The following VRK3 variants were observed in gnomAD, a reference collection of about 807,000 sequenced individuals.
The protein encoded by VRK3 is VRK serine/threonine kinase 3.
Under a neutral mutation model 60.4 loss-of-function variants are expected in VRK3, and 50 were observed. The observed-to-expected ratio is 0.83, with a 90% confidence interval of 0.66 to 1.05. The LOEUF (loss-of-function observed/expected upper bound fraction) is 1.05. Ranked by LOEUF, VRK3 falls within the 50% of genes least tolerant of loss-of-function variation. VRK3 has a pLI of 0.00. For synonymous variants in VRK3, 246 were observed against 227.8 expected (o/e 1.08, Z -0.72); for missense variants, 549 against 585.3 (o/e 0.94, Z 0.64).
chr19:50,010,024 G>A (rs1307031568), intron 3 of VRK3, among the ~76,000 whole-genome samples: 1 of 151,390 alleles, frequency 6.6e-6, no homozygotes, highest in Non-Finnish European at 1.5e-5. Context: ...ACCACCCACC[G>A]AGTTTCTGAT....
intron 1 of VRK3, among the ~76,000 whole-genome samples, chr19:50,023,850 A>C (rs2077213175): frequency 6.6e-6 from 1 of 152,350 alleles, no homozygotes; most frequent in South Asian, 2.1e-4. Context: ...TGGTCCCTAA[A>C]AAAGACGTGC....
chr19:50,023,535 T>G (rs1015834632), intron 1 of VRK3, among the ~76,000 whole-genome samples: 2 of 152,200 alleles, frequency 1.3e-5, no homozygotes, highest in Admixed American at 6.5e-5. Flanking sequence ...GCTTTATTTT[T>G]CTTCACAGTG....
intron 10 of VRK3, among the ~76,000 whole-genome samples, chr19:49,990,389 T>C (rs988769641): frequency 2.0e-5 from 3 of 152,232 alleles, no homozygotes; most frequent in African/African-American, 7.2e-5. Context: ...TTCAAAAATA[T>C]CTACTTATTT....
chr19:49,988,077 C>G (rs79376751), intron 12 of VRK3: 4,321 of 249,302 alleles, frequency 0.017, 71 homozygotes, highest in South Asian at 0.041. Flanking sequence ...TCTTTGCAGT[C>G]CCATAAGGTA....
At chr19:50,017,231 C>A (rs1229279828) in intron 2 of VRK3, among the ~76,000 whole-genome samples, 4 of 151,302 alleles carry the variant, frequency 2.6e-5, no homozygotes, top group Non-Finnish European at 5.9e-5. Flanking sequence ...CAAAAAAAGG[C>A]CATTTATTTG....
intron 13 of VRK3, among the ~76,000 whole-genome samples, chr19:49,980,722 TA>T (rs111476208): frequency 4.8e-4 from 70 of 145,192 alleles, no homozygotes; most frequent in African/African-American, 7.7e-4. Context: ...GTCTTAAAAA[TA>T]AAAAAAAAAA....
intron 13 of VRK3, 127 bp from the exon 14 acceptor site, chr19:49,979,369 C>A: frequency 1.5e-6 from 2 of 1,349,036 alleles, no homozygotes; most frequent in Non-Finnish European, 2.0e-6. Context: ...GCAAAAGTGC[C>A]CATTTTCTTG....
At chr19:50,022,015 T>G (rs2077178874) in intron 1 of VRK3, among the ~76,000 whole-genome samples, 1 of 152,176 alleles carries the variant, frequency 6.6e-6, no homozygotes, top group African/African-American at 2.4e-5. Flanking sequence ...AATCTTTCCC[T>G]CCACTCTATG....
intron 10 of VRK3, 126 bp from the exon 11 acceptor site, chr19:49,989,897 G>A: frequency 8.9e-7 from 1 of 1,123,782 alleles, no homozygotes. Flanking sequence ...ACAAAACTAA[G>A]GCATGCTCAT....
intron 14 of VRK3, among the ~76,000 whole-genome samples, chr19:49,977,305 C>T (rs773697612): frequency 3.3e-5 from 5 of 152,166 alleles, no homozygotes; most frequent in Non-Finnish European, 7.4e-5. Context: ...GCAAGATGAC[C>T]TTCAAGGTGC....
intron 13 of VRK3, among the ~76,000 whole-genome samples, chr19:49,979,814 C>G (rs58700842): frequency 6.6e-6 from 1 of 151,422 alleles, no homozygotes; most frequent in Non-Finnish European, 1.5e-5. Flanking sequence ...GAGGCAGAGG[C>G]GGGTGGATCA....
rs2076919855 is a variant in VRK3, at chr19:50,007,653, C to T, written c.463G>A (p.Gly155Arg). ...CCACTCTTGTCTGTCAGCACTGTCC[C>T]TGTGGGCAAAGCTTCAAGTGAGGTG... Reference protein sequence around the residue: ...VTTSLEALPTGTVLTDKSGRQ... With the variant: ...VTTSLEALPTRTVLTDKSGRQ... The change falls in exon 5 of 15, where the codon GGG becomes AGG. Residue 155 changes from glycine (G) to arginine (R), a missense_variant. Transcript: ENST00000316763. 6.2e-7 allele frequency: 1 copy of T among 1,614,054 alleles called. No individual in the cohort carries two copies. Among genetic ancestry groups the T allele is most frequent in the African/African-American group, 1.3e-5 (1 of 74,898 alleles).
intron 7 of VRK3, among the ~76,000 whole-genome samples, chr19:49,996,276 C>T (rs1363476663): frequency 2.6e-5 from 4 of 151,846 alleles, no homozygotes; most frequent in African/African-American, 9.7e-5. Context: ...AGGCTGGTCT[C>T]GAACTCCTGA....
intron 10 of VRK3, among the ~76,000 whole-genome samples, chr19:49,991,039 C>T (rs932641520): frequency 5.1e-4 from 78 of 152,138 alleles, no homozygotes; most frequent in African/African-American, 1.8e-3. Flanking sequence ...CCGATCCTTC[C>T]ACTTTGGCCT....
intron 10 of VRK3, 66 bp from the exon 11 acceptor site, chr19:49,989,837 G>A (rs2076580340): frequency 8.1e-6 from 12 of 1,487,866 alleles, no homozygotes; most frequent in Middle Eastern, 3.6e-4. Flanking sequence ...GATTTCCATC[G>A]TGGGTGCAAG....
intron 3 of VRK3, among the ~76,000 whole-genome samples, chr19:50,013,145 C>T (rs1307532285): frequency 2.6e-5 from 4 of 152,204 alleles, no homozygotes; most frequent in East Asian, 1.9e-4. Flanking sequence ...CCAGCCTGGG[C>T]GACAGAGCGA....
intron 1 of VRK3, among the ~76,000 whole-genome samples, chr19:50,021,721 G>A (rs1264799467): frequency 6.6e-6 from 1 of 152,202 alleles, no homozygotes; most frequent in African/African-American, 2.4e-5. Flanking sequence ...GTGAATTGTG[G>A]GACGATTTGT....
At chr19:49,989,989 T>C (rs1287434526) in intron 10 of VRK3, among the ~76,000 whole-genome samples, 1 of 152,022 alleles carries the variant, frequency 6.6e-6, no homozygotes, top group Non-Finnish European at 1.5e-5. Context: ...CGCCCAGAAA[T>C]AACCACTAGT....
intron 3 of VRK3, among the ~76,000 whole-genome samples, chr19:50,011,223 C>T (rs543022511): frequency 1.1e-3 from 170 of 152,338 alleles, no homozygotes; most frequent in African/African-American, 3.9e-3. Context: ...GCCCTGTGGT[C>T]TCTGTTTTCC....
Sources: gnomAD v4.1 joint callset for allele counts (sites outside exome capture counted in the v4.1 genomes callset) on GRCh38, gnomAD v4.1.1 for gene constraint, MANE v1.5 for transcripts, NCBI Gene and HGNC (gene_info 2026-07-23, HGNC 2026-07-21) for gene names.